ZFAT: variants seen among roughly 807,000 people sequenced by gnomAD.
ZFAT encodes the protein zinc finger protein ZFAT.
In ZFAT, 64 loss-of-function variants were observed where a neutral mutation model predicts 117.7. The observed-to-expected ratio is 0.54, with a 90% CI of 0.44 to 0.67. The LOEUF (loss-of-function observed/expected upper bound fraction) is 0.67, where lower values mean the gene tolerates loss of function less well. Among genes scored for constraint, ZFAT ranks in the 30% least tolerant of loss-of-function variants. ZFAT has a pLI of 0.00. For synonymous variants in ZFAT, 679 were observed against 615.0 expected (o/e 1.10, Z -1.54); for missense variants, 1,433 against 1,584.5 (o/e 0.90, Z 1.62).
the ZFAT span, among the ~76,000 whole-genome samples, chr8:134,821,766 C>T: frequency 1.3e-5 from 2 of 152,072 alleles, no homozygotes; most frequent in Admixed American, 6.5e-5. Flanking sequence ...TGGATGAAAA[C>T]ATGGTTAGAA....
intron 11 of ZFAT, among the ~76,000 whole-genome samples, chr8:134,551,287 T>C (rs1823148522): frequency 6.6e-6 from 1 of 152,228 alleles, no homozygotes; most frequent in African/African-American, 2.4e-5. Flanking sequence ...AAATAGACTG[T>C]GGGCCTCAGT....
At chr8:134,710,582 G>T (rs1001886248) in intron 1 of ZFAT, among the ~76,000 whole-genome samples, 4 of 152,154 alleles carry the variant, frequency 2.6e-5, no homozygotes, top group Non-Finnish European at 5.9e-5. Context: ...TATCCAAAAT[G>T]CTTGGGACCA....
At chr8:134,581,322 C>A (rs1024857453) in intron 10 of ZFAT, among the ~76,000 whole-genome samples, 1 of 152,074 alleles carries the variant, frequency 6.6e-6, no homozygotes, top group Non-Finnish European at 1.5e-5. Context: ...GTACAGCAGC[C>A]CTGTGGGAAA....
chr8:134,785,908 T>G, the ZFAT span: 1 of 152,204 alleles, frequency 6.6e-6, no homozygotes, highest in South Asian at 2.1e-4. Context: ...GGTACTTTAA[T>G]GCACTGATTT....
intron 11 of ZFAT, among the ~76,000 whole-genome samples, chr8:134,558,344 T>C (rs1823800910): frequency 6.6e-6 from 1 of 152,224 alleles, no homozygotes; most frequent in Non-Finnish European, 1.5e-5. Context: ...TTCTGGTCTG[T>C]TCCCTCAAAG....
chr8:134,610,465 G>A lies in ZFAT; in HGVS notation c.634+5C>T. ...GCCTTTTCCTTTCCCGCTTGGTGCAGTCACCTGGAATTGCTTCGTGTGCAG... is the reference window on the plus strand; with the variant it reads ...GCCTTTTCCTTTCCCGCTTGGTGCAATCACCTGGAATTGCTTCGTGTGCAG... On this transcript the variant is annotated splice_donor_5th_base_variant and intron_variant, in intron 4 of 15. Transcript: ENST00000377838. 1 of 1,612,052 alleles carries A rather than the reference G, an allele frequency of 6.2e-7. No homozygotes were observed. Among genetic ancestry groups the A allele is most frequent in the Non-Finnish European group, 8.5e-7 (1 of 1,179,354 alleles).
intron 1 of ZFAT, among the ~76,000 whole-genome samples, chr8:134,695,379 T>C (rs771341764): frequency 1.3e-4 from 19 of 147,354 alleles, no homozygotes; most frequent in African/African-American, 2.4e-4. Context: ...AGGCCCTCCG[T>C]CCGTAACTAA....
intron 1 of ZFAT, among the ~76,000 whole-genome samples, chr8:134,695,826 T>G (rs377035013): frequency 7.1e-6 from 1 of 140,524 alleles, no homozygotes; most frequent in African/African-American, 2.7e-5. Flanking sequence ...ACTGCGTCTC[T>G]AATCAAGGAG....
chr8:134,565,463 C>T (rs1230533652), intron 10 of ZFAT, 42 bp from the exon 11 acceptor site: 1 of 1,578,928 alleles, frequency 6.3e-7, no homozygotes, highest in Non-Finnish European at 8.7e-7. Flanking sequence ...GCCAGGCCAA[C>T]AGCTCCCACT....
At chr8:134,488,248 A>G (rs1350548608) in intron 15 of ZFAT, among the ~76,000 whole-genome samples, 1 of 152,218 alleles carries the variant, frequency 6.6e-6, no homozygotes, top group Admixed American at 6.5e-5. Context: ...AAGTTGGCAG[A>G]TAGGCAGGTT....
chr8:134,519,667 C>A (rs1254332576), intron 13 of ZFAT, among the ~76,000 whole-genome samples: 1 of 152,164 alleles, frequency 6.6e-6, no homozygotes, highest in Non-Finnish European at 1.5e-5. Context: ...AGTTCTAGGT[C>A]TCCATCTGCT....
At chr8:134,631,080 C>G (rs1829860608) in intron 3 of ZFAT, among the ~76,000 whole-genome samples, 1 of 152,156 alleles carries the variant, frequency 6.6e-6, no homozygotes, top group Admixed American at 6.6e-5. Flanking sequence ...GAAAAAACAC[C>G]CAGAGCGTCT....
chr8:134,806,501 A>T, the ZFAT span, among the ~76,000 whole-genome samples: 16 of 152,328 alleles, frequency 1.1e-4, no homozygotes, highest in East Asian at 2.7e-3. Context: ...CAGGAAAAAA[A>T]TAGCTATTTC....
chr8:134,787,161 TATTG>T, the ZFAT span, among the ~76,000 whole-genome samples: 10 of 152,142 alleles, frequency 6.6e-5, no homozygotes, highest in Admixed American at 5.9e-4. Context: ...TATCTTTTCT[TATTG>T]ATTAATTTTG....
At chr8:134,480,947 C>A (rs1817262042) in intron 15 of ZFAT, among the ~76,000 whole-genome samples, 1 of 152,118 alleles carries the variant, frequency 6.6e-6, no homozygotes, top group Admixed American at 6.5e-5. Flanking sequence ...AAAGGTTCCT[C>A]TGGGGTGAGC....
rs201264728 is a variant in ZFAT at position 134,544,938 on chromosome 8, C to T, written c.2977-11966G>A. On this transcript the variant is annotated intron_variant, in intron 11 of 15. Transcript: ENST00000377838. The stretch of plus-strand genomic sequence containing the variant: ...GCTGTGCATCCCATAGCCTGCAAGT[C>T]CTCTGTGGGTGTATGTATCTTGGAG... 1.3e-4 allele frequency among the ~76,000 whole-genome samples: 20 copies of T among 152,284 alleles called. No homozygotes were observed. In the East Asian group the frequency reaches 2.1e-3, roughly 16 times the overall value.
chr8:134,666,032 T>C (rs1349978445), intron 1 of ZFAT, among the ~76,000 whole-genome samples: 2 of 152,168 alleles, frequency 1.3e-5, no homozygotes, highest in African/African-American at 4.8e-5. Flanking sequence ...GAAGGCCTAG[T>C]ACAGAGCCAA....
At chr8:134,606,272 T>G (rs1001397840) in intron 5 of ZFAT, among the ~76,000 whole-genome samples, 2 of 152,210 alleles carry the variant, frequency 1.3e-5, no homozygotes, top group Non-Finnish European at 2.9e-5. Flanking sequence ...AACAATCAGA[T>G]GAGCATTTTT....
intron 3 of ZFAT, among the ~76,000 whole-genome samples, chr8:134,635,217 G>A (rs1830134886): frequency 6.6e-6 from 1 of 152,186 alleles, no homozygotes; most frequent in African/African-American, 2.4e-5. Context: ...AACGGCCACA[G>A]ACCCAGCTGA....
Sources: allele counts gnomAD v4.1 joint callset (sites outside exome capture counted in the v4.1 genomes callset), GRCh38; gene constraint gnomAD v4.1.1; transcripts MANE v1.5; gene names NCBI Gene and HGNC (gene_info 2026-07-23, HGNC 2026-07-21).